The following ABCD2 variants were observed in gnomAD, a reference collection of about 807,000 sequenced individuals.
The protein encoded by ABCD2 is ATP-binding cassette sub-family D member 2.
ABCD2 carries 36 observed loss-of-function variants against 70.9 expected under a neutral mutation model. That is an observed-to-expected ratio of 0.51 (90% CI 0.39 to 0.67). The LOEUF is 0.67. ABCD2 is among the 30% of genes least tolerant of loss of function. The pLI is 0.00. For missense variants in ABCD2, 729 were observed against 890.2 expected, an observed-to-expected ratio of 0.82 and a Z score of 2.30; for synonymous variants, 304 against 306.9, an observed-to-expected ratio of 0.99 and a Z score of 0.10.
intron 2 of ABCD2, among the ~76,000 whole-genome samples, chr12:39,609,488 C>T (rs1030149150): frequency 6.6e-6 from 1 of 152,090 alleles, no homozygotes; most frequent in Non-Finnish European, 1.5e-5. Flanking sequence ...TTGTAGTTGT[C>T]GTTGCTATTA....
At chr12:39,557,886 G>C (rs1941193373) in intron 9 of ABCD2, among the ~76,000 whole-genome samples, 1 of 152,214 alleles carries the variant, frequency 6.6e-6, no homozygotes, top group African/African-American at 2.4e-5. Context: ...CAGGGTCAGA[G>C]CCCTTATGGA....
intron 9 of ABCD2, among the ~76,000 whole-genome samples, chr12:39,560,341 C>A (rs571536918): frequency 3.9e-4 from 60 of 152,268 alleles, no homozygotes; most frequent in African/African-American, 1.4e-3. Flanking sequence ...GACATGAACT[C>A]ATCCTTTTTT....
chr12:39,611,256 T>C (rs557992699), intron 2 of ABCD2, among the ~76,000 whole-genome samples: 2 of 152,264 alleles, frequency 1.3e-5, no homozygotes, highest in South Asian at 2.1e-4. Flanking sequence ...GGAATAGATA[T>C]TGGTTCATCA....
chr12:39,559,727 C>G (rs922922278), intron 9 of ABCD2, among the ~76,000 whole-genome samples: 1 of 152,208 alleles, frequency 6.6e-6, no homozygotes, highest in East Asian at 1.9e-4. Flanking sequence ...ATTACATATT[C>G]AACGTGCTGA....
chr12:39,546,353 A>G (rs765182044), downstream of ABCD2, among the ~76,000 whole-genome samples: 5 of 152,126 alleles, frequency 3.3e-5, no homozygotes, highest in African/African-American at 1.2e-4. Context: ...CCTATTGAAT[A>G]AATACTTTTC....
intron 9 of ABCD2, among the ~76,000 whole-genome samples, chr12:39,572,590 C>T (rs994137138): frequency 1.1e-4 from 16 of 152,092 alleles, no homozygotes; most frequent in Admixed American, 5.9e-4. Flanking sequence ...GAATTTTGAA[C>T]AATAAAAGCC....
chr12:39,534,933 A>C, the ABCD2 span, among the ~76,000 whole-genome samples: 1 of 141,958 alleles, frequency 7.0e-6, no homozygotes. Flanking sequence ...AGAAAGAAAG[A>C]AAGAAAGAAA....
At chr12:39,569,434 G>A (rs1941413416) in intron 9 of ABCD2, among the ~76,000 whole-genome samples, 1 of 152,236 alleles carries the variant, frequency 6.6e-6, no homozygotes, top group African/African-American at 2.4e-5. Flanking sequence ...CCAGGCACGG[G>A]ATATAATATC....
intron 6 of ABCD2, among the ~76,000 whole-genome samples, chr12:39,592,483 C>T (rs1941759693): frequency 6.6e-6 from 1 of 152,182 alleles, no homozygotes; most frequent in Non-Finnish European, 1.5e-5. Flanking sequence ...CCTACCAGTG[C>T]TGTACAGAGA....
the ABCD2 span, among the ~76,000 whole-genome samples, chr12:39,544,138 G>A: frequency 1.3e-5 from 2 of 152,034 alleles, no homozygotes; most frequent in African/African-American, 2.4e-5. Flanking sequence ...CTTGGTGGGT[G>A]GGGGGAAGCC....
At chr12:39,531,925 G>A in the ABCD2 span, among the ~76,000 whole-genome samples, 6 of 152,358 alleles carry the variant, frequency 3.9e-5, no homozygotes, top group South Asian at 1.0e-3. Context: ...ACTGAGGAGA[G>A]CACTGTTTTC....
At chr12:39,531,109 T>C in the ABCD2 span, among the ~76,000 whole-genome samples, 1 of 152,192 alleles carries the variant, frequency 6.6e-6, no homozygotes, top group Non-Finnish European at 1.5e-5. Context: ...CTTTTCTATA[T>C]ATAGGGATAC....
At chr12:39,598,978 G>A in intron 6 of ABCD2, among the ~76,000 whole-genome samples, 1 of 152,046 alleles carries the variant, frequency 6.6e-6, no homozygotes, top group Non-Finnish European at 1.5e-5. Context: ...TATAATCAAG[G>A]TAAATGACTT....
rs77159120 is a variant in ABCD2, at chr12:39,619,351, G to A, written c.265C>T (p.Leu89=). Residue 89 remains leucine, a synonymous_variant, in exon 1 of 10, where the codon CTA becomes TTA. Coordinates refer to ENST00000308666, the MANE Select transcript of ABCD2 (RefSeq NM_005164.4). ...GVNADFFKQL[L]ELRKILFPKL... is the part of the protein sequence containing the mutation. ...GGAAACAAAATTTTCCGAAGTTCTA[G>A]TAGCTGTTTGAAGAAATCTGCATTC... The A allele has an allele frequency of 9.1e-4, 1,462 of 1,614,108 alleles. 14 individuals are homozygous for A. The African/African-American group carries it at 0.017, about 19-fold the overall frequency.
intron 6 of ABCD2, among the ~76,000 whole-genome samples, chr12:39,599,251 C>A (rs986443696): frequency 1.3e-5 from 2 of 152,090 alleles, no homozygotes; most frequent in Admixed American, 6.5e-5. Flanking sequence ...ACAACTGTAG[C>A]TAAAAATATA....
downstream of ABCD2, among the ~76,000 whole-genome samples, chr12:39,545,545 C>G (rs189092013): frequency 6.6e-5 from 10 of 152,256 alleles, no homozygotes; most frequent in East Asian, 1.9e-3. Context: ...TTCTCCAAAG[C>G]TAGTGTACCT....
rs1941104167 is a variant in ABCD2 at position 39,552,661 on chromosome 12, CATTTT to C, written c.*1246_*1250del. ...GAATGATTTACTAACTTTCTCATTT[CATTTT>C]AAGCCGCAGAACAATGATCTTTGCA... On this transcript the variant is annotated 3_prime_UTR_variant, in exon 10 of 10. Transcript: ENST00000308666. The C allele has an allele frequency of 6.6e-6, 1 of 151,930 alleles. No homozygotes were observed. Among genetic ancestry groups the C allele is most frequent in the South Asian group, 2.1e-4 (1 of 4,834 alleles). The allele number at this position is 151,930 out of a possible 1,614,324, so 9.4% of individuals were successfully genotyped here.
chr12:39,593,215 G>GA (rs1688017497), intron 6 of ABCD2, among the ~76,000 whole-genome samples: 1 of 152,126 alleles, frequency 6.6e-6, no homozygotes, highest in African/African-American at 2.4e-5. Flanking sequence ...AGAAACAATA[G>GA]AAAATGGAAC....
chr12:39,555,420 C>A (rs1181369837), intron 9 of ABCD2, among the ~76,000 whole-genome samples: 1 of 152,156 alleles, frequency 6.6e-6, no homozygotes, highest in Non-Finnish European at 1.5e-5. Flanking sequence ...ATTACCTACA[C>A]ACAAAAATAC....
Sources: allele counts gnomAD v4.1 joint callset (sites outside exome capture counted in the v4.1 genomes callset), GRCh38; gene constraint gnomAD v4.1.1; transcripts MANE v1.5; gene names NCBI Gene and HGNC (gene_info 2026-07-23, HGNC 2026-07-21).